NRXN1: variants seen among roughly 807,000 people sequenced by gnomAD.
NRXN1 encodes neurexin-1.
NRXN1 carries 39 observed loss-of-function variants against 150.9 expected under a neutral mutation model. The ratio of observed to expected loss-of-function variants is 0.26; its 90% CI spans 0.20 to 0.34. NRXN1 has a LOEUF of 0.34. Ranked by LOEUF, NRXN1 falls within the 10% of genes least tolerant of loss-of-function variation. The pLI is 1.00. For synonymous variants in NRXN1, 924 were observed against 757.0 expected (o/e 1.22, Z -3.62); for missense variants, 1,815 against 1,949.9 (o/e 0.93, Z 1.30).
chr2:50,120,735 C>T (rs1000422039), intron 18 of NRXN1, among the ~76,000 whole-genome samples: 1 of 152,102 alleles, frequency 6.6e-6, no homozygotes, highest in African/African-American at 2.4e-5. Context: ...ATAATACATA[C>T]CGGTTAAGTT....
rs199551495 is a variant in NRXN1 at position 49,921,938 on chromosome 2, T to C, written c.*6A>G. On this transcript the variant is annotated 3_prime_UTR_variant, in exon 23 of 23. Coordinates refer to ENST00000401669, the MANE Select transcript of NRXN1 (RefSeq NM_001330078.2). ...TCTATACAAGTGTCCATTTAAGATCTTGGGATCAGACATAATACTCTTTAT... is the reference window on the plus strand; with the variant it reads ...TCTATACAAGTGTCCATTTAAGATCCTGGGATCAGACATAATACTCTTTAT... 10 of 1,613,604 alleles carry C rather than the reference T, an allele frequency of 6.2e-6. No individual in the cohort carries two copies. The highest frequency in any genetic ancestry group is 1.7e-5 in the Admixed American group (1 of 59,994).
intron 8 of NRXN1, among the ~76,000 whole-genome samples, chr2:50,567,352 A>T (rs937902605): frequency 6.6e-6 from 1 of 152,154 alleles, no homozygotes; most frequent in Admixed American, 6.6e-5. Flanking sequence ...TGTACTAACC[A>T]CACGTAGACT....
intron 18 of NRXN1, among the ~76,000 whole-genome samples, chr2:50,210,429 A>G (rs1285682895): frequency 6.6e-6 from 1 of 151,828 alleles, no homozygotes; most frequent in Admixed American, 6.6e-5. Flanking sequence ...ACCCACATTC[A>G]CAGGTATTAA....
chr2:51,027,191 C>T (rs1670630470), intron 2 of NRXN1, among the ~76,000 whole-genome samples: 1 of 152,100 alleles, frequency 6.6e-6, no homozygotes, highest in East Asian at 1.9e-4. Flanking sequence ...AATATAGGGC[C>T]CAACCTGCCA....
At chr2:49,974,600 T>C (rs1678614912) in intron 21 of NRXN1, among the ~76,000 whole-genome samples, 1 of 152,200 alleles carries the variant, frequency 6.6e-6, no homozygotes, top group Non-Finnish European at 1.5e-5. Flanking sequence ...CATGGAACCC[T>C]CCTAGTAGAA....
chr2:50,864,027 A>T lies in NRXN1; in HGVS notation c.832+57842T>A, dbSNP rs531354992. 2.0e-5 allele frequency among the ~76,000 whole-genome samples: 3 copies of T among 152,124 alleles called. No individual in the cohort carries two copies. The East Asian group carries it at 5.8e-4, about 30-fold the overall frequency. ...GGATAAGTCTTAATGGTGTGTAAAC[A>T]GCAGGATTAGTGTTTCTGAGTCTCC... On this transcript the variant is annotated intron_variant, in intron 5 of 22. Transcript: ENST00000401669.
At chr2:50,169,711 C>CAAAAAA (rs11296551) in intron 18 of NRXN1, among the ~76,000 whole-genome samples, 2 of 103,818 alleles carry the variant, frequency 1.9e-5, no homozygotes, top group African/African-American at 8.7e-5. Context: ...GCTTCCATCT[C>CAAAAAA]AAAAAAAAAA....
At position 50,905,627 on chromosome 2, in the gene NRXN1, G is replaced by A. The variant is rs149607170; in HGVS notation, c.832+16242C>T. Among the ~76,000 whole-genome samples the A allele has an allele frequency of 1.5e-3, 222 of 152,088 alleles. 3 individuals carry two copies. Among genetic ancestry groups the A allele is most frequent in the African/African-American group, 5.1e-3 (212 of 41,500 alleles). On this transcript the variant is annotated intron_variant, in intron 5 of 22. Transcript: ENST00000401669. ...AATGACACTGTTCTTTCTTTCAGGT[G>A]TCCTCTTTCCCAGTGAATCTATCCT...
At chr2:50,070,782 A>ACC (rs1558813327) in intron 19 of NRXN1, among the ~76,000 whole-genome samples, 1 of 150,826 alleles carries the variant, frequency 6.6e-6, no homozygotes, top group African/African-American at 2.5e-5. Context: ...AAAAAAAAAA[A>ACC]AAAAAAACCT....
rs977568359 is a variant in NRXN1 at position 51,032,101 on chromosome 2, C to G, written c.-1042G>C. On this transcript the variant is annotated 5_prime_UTR_variant, in exon 1 of 23. Transcript: ENST00000401669. ...CCTTTTCAGAGGCGTCAGGCTTGAG[C>G]GTCTATCTCCAGGAGTGCGGGAGGG... is the stretch of plus-strand genomic sequence containing the variant. 1.3e-5 allele frequency: 2 copies of G among 152,474 alleles called. No individual in the cohort carries two copies. Among genetic ancestry groups the G allele is most frequent in the East Asian group, 3.9e-4 (2 of 5,168 alleles). The allele number at this position is 152,474 out of a possible 1,614,324, so 9.4% of individuals were successfully genotyped here.
intron 22 of NRXN1, among the ~76,000 whole-genome samples, chr2:49,922,524 A>G (rs1369476510): frequency 1.3e-5 from 2 of 152,118 alleles, no homozygotes; most frequent in Admixed American, 6.5e-5. Context: ...ATAAACTCCA[A>G]TTAGCTCTAA....
At chr2:51,014,832 G>T (rs1668422290) in intron 2 of NRXN1, among the ~76,000 whole-genome samples, 1 of 151,990 alleles carries the variant, frequency 6.6e-6, no homozygotes, top group South Asian at 2.1e-4. Context: ...ATAGCACAAA[G>T]AGCTGAAAAT....
intron 5 of NRXN1, among the ~76,000 whole-genome samples, chr2:50,871,695 G>A (rs1043880065): frequency 4.0e-5 from 6 of 151,756 alleles, no homozygotes; most frequent in Admixed American, 1.3e-4. Context: ...AAAACATGCC[G>A]AGGGGTCACT....
chr2:50,727,938 C>T (rs779865838), intron 5 of NRXN1, among the ~76,000 whole-genome samples: 37 of 152,086 alleles, frequency 2.4e-4, no homozygotes, highest in Admixed American at 1.6e-3. Context: ...TATCTCTTTA[C>T]AAATTAGAGA....
In NRXN1 at chr2:50,189,377, G is replaced by A. The variant is rs1472645583; in HGVS notation, c.3546+47412C>T. Among the ~76,000 whole-genome samples, 5 of 151,928 alleles carry A rather than the reference G, an allele frequency of 3.3e-5. No homozygotes were observed. In the East Asian group the frequency reaches 7.8e-4, roughly 24 times the overall value. Reference sequence around the variant, plus strand: ...ACCTGAGCCTGCTGGGGGTTGGGGGGTAGGGGAGGGATAGCATTAGGAAAA... The same window carrying A: ...ACCTGAGCCTGCTGGGGGTTGGGGGATAGGGGAGGGATAGCATTAGGAAAA... On this transcript the variant is annotated intron_variant, in intron 18 of 22. Coordinates refer to ENST00000401669, the MANE Select transcript of NRXN1 (RefSeq NM_001330078.2).
At chr2:50,859,964 A>G (rs1262141752) in intron 5 of NRXN1, among the ~76,000 whole-genome samples, 1 of 152,060 alleles carries the variant, frequency 6.6e-6, no homozygotes, top group Non-Finnish European at 1.5e-5. Flanking sequence ...ATTTGGAGAT[A>G]CATATTTATG....
chr2:50,848,987 C>T (rs780427614), intron 5 of NRXN1, among the ~76,000 whole-genome samples: 2 of 152,208 alleles, frequency 1.3e-5, no homozygotes, highest in African/African-American at 2.4e-5. Context: ...CTCTGTCCAA[C>T]TAACCCATCA....
intron 16 of NRXN1, among the ~76,000 whole-genome samples, chr2:50,469,952 C>T (rs1243660255): frequency 5.3e-5 from 8 of 151,232 alleles, no homozygotes; most frequent in African/African-American, 1.7e-4. Context: ...CTGCAAATGC[C>T]CTTTGTTAGT....
At chr2:50,764,796 A>G (rs960631189) in intron 5 of NRXN1, among the ~76,000 whole-genome samples, 1 of 152,026 alleles carries the variant, frequency 6.6e-6, no homozygotes, top group African/African-American at 2.4e-5. Flanking sequence ...CACGCAACAA[A>G]GGACCACTAA....
Sources: gnomAD v4.1 joint callset for allele counts (sites outside exome capture counted in the v4.1 genomes callset) on GRCh38, gnomAD v4.1.1 for gene constraint, MANE v1.5 for transcripts, NCBI Gene and HGNC (gene_info 2026-07-23, HGNC 2026-07-21) for gene names.